HERC1: variants seen among roughly 807,000 people sequenced by gnomAD.
HERC1 encodes HECT and RLD domain containing E3 ubiquitin protein ligase family member 1.
HERC1 carries 160 observed loss-of-function variants against 554.3 expected under a neutral mutation model. The ratio of observed to expected loss-of-function variants is 0.29; its 90% CI spans 0.25 to 0.33. The LOEUF is 0.33. Among genes scored for constraint, HERC1 ranks in the 10% least tolerant of loss-of-function variants. The probability of loss-of-function intolerance (pLI) is 1.00; values close to 1 mark genes in which losing one functional copy is unlikely to be tolerated. For missense variants in HERC1, 4,919 were observed against 5,918.5 expected (o/e 0.83, Z 5.54); for synonymous variants, 2,175 against 2,131.7 (o/e 1.02, Z -0.56).
At chr15:63,833,753 G>GCGCACACACACACACACA (rs1340096449) in intron 1 of HERC1, 74 bp downstream of exon 1, 28 of 46,492 alleles carry the variant, frequency 6.0e-4, no homozygotes, top group African/African-American at 1.6e-3. Context: ...ACGCGCGCGC[G>GCGCACACACACACACACA]CACACACACA....
intron 1 of HERC1, among the ~76,000 whole-genome samples, chr15:63,822,755 C>T (rs1193468155): frequency 3.3e-5 from 5 of 151,916 alleles, no homozygotes; most frequent in Non-Finnish European, 5.9e-5. Context: ...TTATAATTAC[C>T]CACACAGGAG....
rs1030874893 is a variant in HERC1, at chr15:63,608,979, T to A, written c.*102A>T. On this transcript the variant is annotated 3_prime_UTR_variant, in exon 78 of 78. Coordinates refer to ENST00000443617, the MANE Select transcript of HERC1 (RefSeq NM_003922.4). The stretch of plus-strand genomic sequence containing the variant: ...GGCCATTGTTTATAATGTTGGTTTA[T>A]GTTCTTATAACATCTATGTAGTTAC... The A allele has an allele frequency of 9.9e-7, 1 of 1,005,972 alleles. No homozygotes were observed. Among genetic ancestry groups the A allele is most frequent in the African/African-American group, 1.6e-5 (1 of 61,266 alleles). 62.3% of individuals were successfully genotyped at this position (1,005,972 alleles called of 1,614,324 possible).
At chr15:63,744,142 GTGTGTGTGTGTGTGTGTGTGTGTC>G (rs2074949419) in intron 12 of HERC1, among the ~76,000 whole-genome samples, 1 of 41,648 alleles carries the variant, frequency 2.4e-5, no homozygotes, top group Admixed American at 2.6e-4. Flanking sequence ...GTGTGTGTGT[GTGTGTGTGTGTGTGTGTGTGTGTC>G]TCTCTCTCTC....
Position 63,747,893 on chromosome 15 carries a change from T to C in HERC1, c.2220-35A>G, listed in dbSNP as rs79919472. On this transcript the variant is annotated intron_variant, in intron 10 of 77. Coordinates refer to ENST00000443617, the MANE Select transcript of HERC1 (RefSeq NM_003922.4). ...CACATAAGAAAATAATAAAACAGTC[T>C]TAAAATGAAATTTTTATGCACGATC... 2.3e-3 allele frequency: 3,434 copies of C among 1,509,888 alleles called. 72 individuals are homozygous for C. The African/African-American group carries it at 0.043, about 19-fold the overall frequency. 93.5% of individuals were successfully genotyped at this position (1,509,888 alleles called of 1,614,324 possible).
chr15:63,680,229 A>G lies in HERC1; in HGVS notation c.6466-69T>C. The G allele has an allele frequency of 8.5e-7, 1 of 1,174,346 alleles. No individual in the cohort carries two copies. Among genetic ancestry groups the G allele is most frequent in the African/African-American group, 1.5e-5 (1 of 65,206 alleles). 72.7% of individuals were successfully genotyped at this position (1,174,346 alleles called of 1,614,324 possible). ...TTTTTTTAATTCACAATATCTAACC[A>G]CATTAGAATTGAAAGCTTTTATGAG... On this transcript the variant is annotated intron_variant, in intron 35 of 77. Coordinates refer to ENST00000443617, the MANE Select transcript of HERC1 (RefSeq NM_003922.4). This position sits in a 1 kb window ranked among gnomAD's most constrained non-coding sequence, Gnocchi z 5.8.
intron 12 of HERC1, among the ~76,000 whole-genome samples, chr15:63,738,030 G>A (rs1010163907): frequency 6.6e-6 from 1 of 152,114 alleles, no homozygotes; most frequent in Admixed American, 6.5e-5. Context: ...AGCTACTGAT[G>A]GATGAAGAAA....
At chr15:63,737,790 G>A (rs940895798) in intron 12 of HERC1, among the ~76,000 whole-genome samples, 4 of 151,740 alleles carry the variant, frequency 2.6e-5, no homozygotes, top group African/African-American at 9.7e-5. Flanking sequence ...CATCTAGAGA[G>A]AAAAACAGAT....
In HERC1 at chr15:63,638,491, C is replaced by T; in HGVS notation, c.12013G>A (p.Gly4005Ser). ...GKCDVYLWGAGRHGQLAEAGR... is the reference protein window; with the variant it reads ...GKCDVYLWGASRHGQLAEAGR... ...GCTTCTGCCAGCTGTCCATGCCTAC[C>T]AGCACCCCATAAGTAGACATCACAT... The change falls in exon 63 of 78, where the codon GGT becomes AGT. Residue 4005 changes from glycine (G) to serine (S), a missense_variant. By Grantham distance (56) the Gly-to-Ser change is moderately conservative. Transcript: ENST00000443617. The T allele has an allele frequency of 1.2e-6, 2 of 1,613,808 alleles. No individual in the cohort carries two copies. Among genetic ancestry groups the T allele is most frequent in the Non-Finnish European group, 1.7e-6 (2 of 1,179,780 alleles).
At chr15:63,806,773 T>C (rs2077152406) in intron 1 of HERC1, among the ~76,000 whole-genome samples, 2 of 152,224 alleles carry the variant, frequency 1.3e-5, no homozygotes, top group African/African-American at 4.8e-5. Context: ...CAGAGAGAGA[T>C]TGCCCCCACC....
intron 25 of HERC1, 87 bp from the exon 26 acceptor site, chr15:63,699,083 T>C (rs1342728512): frequency 9.3e-6 from 11 of 1,181,558 alleles, no homozygotes; most frequent in Non-Finnish European, 1.3e-5. Flanking sequence ...GCTGCTACCA[T>C]AACCAACTGG....
intron 1 of HERC1, among the ~76,000 whole-genome samples, chr15:63,806,836 C>T (rs901722949): frequency 6.6e-6 from 1 of 152,234 alleles, no homozygotes; most frequent in Non-Finnish European, 1.5e-5. Context: ...GTGGTGTGAT[C>T]TCAGCTCACT....
At chr15:63,676,742 C>T (rs868789872) in intron 37 of HERC1, among the ~76,000 whole-genome samples, 1 of 152,006 alleles carries the variant, frequency 6.6e-6, no homozygotes, top group Non-Finnish European at 1.5e-5. Context: ...GGCGACAGAG[C>T]GAGATTCCGT....
intron 39 of HERC1, 131 bp from the exon 40 acceptor site, chr15:63,669,829 G>A (rs879083711): frequency 2.1e-5 from 14 of 680,804 alleles, no homozygotes; most frequent in Non-Finnish European, 3.5e-5. Flanking sequence ...GGAGGGTGGG[G>A]AGAAAGACTC....
chr15:63,691,335 G>A (rs1239513051), intron 31 of HERC1, among the ~76,000 whole-genome samples: 2 of 151,724 alleles, frequency 1.3e-5, no homozygotes, highest in Non-Finnish European at 2.9e-5. Flanking sequence ...GAGTGGTGGT[G>A]CACGCCTGTG....
chr15:63,698,657 A>C, intron 26 of HERC1, 71 bp downstream of exon 26: 1 of 1,444,550 alleles, frequency 6.9e-7, no homozygotes, highest in Non-Finnish European at 9.3e-7. Context: ...GGTTTTCCCT[A>C]GAACTATACA....
rs780175266 is a variant in HERC1, at chr15:63,641,455, A to G, written c.11607+15T>C. 5.6e-6 allele frequency: 9 copies of G among 1,599,726 alleles called. No homozygotes were observed. The South Asian group carries it at 1.0e-4, about 18-fold the overall frequency. On this transcript the variant is annotated intron_variant, in intron 60 of 77. Transcript: ENST00000443617. ...AGGTATCTGTGTATCTCTAGGAGTG[A>G]GTGTAATGAGTTACCTTTTCATAGG... is the stretch of plus-strand genomic sequence containing the variant.
chr15:63,784,650 C>G (rs2076385159), intron 1 of HERC1, among the ~76,000 whole-genome samples: 1 of 151,874 alleles, frequency 6.6e-6, no homozygotes, highest in East Asian at 1.9e-4. Context: ...CTCTGTCACC[C>G]AGGCTGGAGT....
intron 3 of HERC1, among the ~76,000 whole-genome samples, chr15:63,759,658 C>T (rs900464961): frequency 6.6e-6 from 1 of 152,188 alleles, no homozygotes; most frequent in Non-Finnish European, 1.5e-5. Context: ...TTTAAATTGA[C>T]TTGTATGAAC....
At chr15:63,743,208 T>C (rs2074886528) in intron 12 of HERC1, among the ~76,000 whole-genome samples, 1 of 151,736 alleles carries the variant, frequency 6.6e-6, no homozygotes, top group South Asian at 2.1e-4. Flanking sequence ...ACCTTTTTTA[T>C]TCTTTTTCTT....
Sources: gnomAD v4.1 joint callset for allele counts (sites outside exome capture counted in the v4.1 genomes callset) on GRCh38, gnomAD v4.1.1 for gene constraint, Gnocchi (gnomAD v3.1) non-coding constraint, MANE v1.5 for transcripts, NCBI Gene and HGNC (gene_info 2026-07-23, HGNC 2026-07-21) for gene names.